Variants in HERPUD2 observed in about 807,000 individuals in gnomAD.
HERPUD2 encodes the protein homocysteine-responsive endoplasmic reticulum-resident ubiquitin-like domain member 2 protein.
A neutral mutation model predicts 49.9 loss-of-function variants in HERPUD2; 13 were observed. The ratio of observed to expected loss-of-function variants is 0.26; its 90% CI spans 0.17 to 0.41. The LOEUF (loss-of-function observed/expected upper bound fraction) is 0.41. Ranked by LOEUF, HERPUD2 falls within the 10% of genes least tolerant of loss-of-function variation. HERPUD2 has a pLI of 1.00. For synonymous variants in HERPUD2, 172 were observed against 171.4 expected (o/e 1.00, Z -0.03); for missense variants, 449 against 492.2 (o/e 0.91, Z 0.83).
chr7:35,672,264 T>A (rs1414983003), intron 3 of HERPUD2, among the ~76,000 whole-genome samples: 1 of 142,962 alleles, frequency 7.0e-6, no homozygotes, highest in Non-Finnish European at 1.5e-5. Flanking sequence ...TCTAAAAAAT[T>A]GTTTAAAAAA....
intron 2 of HERPUD2, among the ~76,000 whole-genome samples, chr7:35,678,222 C>T (rs1363113916): frequency 6.7e-6 from 1 of 148,822 alleles, no homozygotes; most frequent in African/African-American, 2.5e-5. Flanking sequence ...GTTGCAATGA[C>T]TGTCACTTCA....
intron 5 of HERPUD2, among the ~76,000 whole-genome samples, chr7:35,648,735 A>G (rs1324257055): frequency 6.6e-6 from 1 of 152,210 alleles, no homozygotes; most frequent in African/African-American, 2.4e-5. Flanking sequence ...TTACTGATCT[A>G]AAGAGAATGA....
chr7:35,639,490 C>T (rs1479625341), intron 5 of HERPUD2, among the ~76,000 whole-genome samples: 1 of 152,110 alleles, frequency 6.6e-6, no homozygotes, highest in African/African-American at 2.4e-5. Context: ...TTTACTCTCC[C>T]CCATTCCAAC....
intron 5 of HERPUD2, among the ~76,000 whole-genome samples, chr7:35,663,614 A>C (rs1319255822): frequency 6.6e-6 from 1 of 152,168 alleles, no homozygotes; most frequent in Admixed American, 6.5e-5. Flanking sequence ...TATTTAAGAT[A>C]GTTAGCTCCT....
At chr7:35,672,687 C>G (rs552592458) in intron 3 of HERPUD2, among the ~76,000 whole-genome samples, 1 of 152,102 alleles carries the variant, frequency 6.6e-6, no homozygotes, top group African/African-American at 2.4e-5. Context: ...AAATAACTAG[C>G]CTTCAAGTTG....
intron 2 of HERPUD2, among the ~76,000 whole-genome samples, chr7:35,684,214 G>A (rs562374403): frequency 1.3e-5 from 2 of 152,166 alleles, no homozygotes; most frequent in South Asian, 2.1e-4. Context: ...GTGAAACCCT[G>A]TCTCTACTAA....
chr7:35,660,263 A>G (rs1562676402), intron 5 of HERPUD2, among the ~76,000 whole-genome samples: 2 of 152,286 alleles, frequency 1.3e-5, no homozygotes, highest in Non-Finnish European at 2.9e-5. Flanking sequence ...ACATTTTCTT[A>G]ATCCAGTCTA....
At chr7:35,643,020 C>G (rs1262254962) in intron 5 of HERPUD2, among the ~76,000 whole-genome samples, 1 of 152,200 alleles carries the variant, frequency 6.6e-6, no homozygotes, top group African/African-American at 2.4e-5. Context: ...TGAAAATTAG[C>G]TTATAGAAAT....
intron 6 of HERPUD2, among the ~76,000 whole-genome samples, chr7:35,637,712 G>A (rs141282443): frequency 2.0e-5 from 3 of 152,304 alleles, no homozygotes; most frequent in African/African-American, 4.8e-5. Flanking sequence ...TGAGAAGCAC[G>A]TAGTAACAAA....
chr7:35,693,972 C>T (rs1786254745), intron 2 of HERPUD2, among the ~76,000 whole-genome samples: 2 of 152,174 alleles, frequency 1.3e-5, no homozygotes. Flanking sequence ...GATATTTCTG[C>T]TTCCTCTTAC....
chr7:35,636,703 T>C (rs1187623339), intron 6 of HERPUD2, among the ~76,000 whole-genome samples: 1 of 152,128 alleles, frequency 6.6e-6, no homozygotes, highest in Non-Finnish European at 1.5e-5. Flanking sequence ...GGATACGAGG[T>C]TCATAAAGCA....
intron 5 of HERPUD2, among the ~76,000 whole-genome samples, chr7:35,648,321 G>A (rs528085361): frequency 3.9e-5 from 6 of 152,066 alleles, no homozygotes; most frequent in Admixed American, 2.0e-4. Flanking sequence ...GTAAAAGATC[G>A]CCCCAGTTCT....
At position 35,649,315 on chromosome 7, in the gene HERPUD2, GT is replaced by G. The variant is rs377548542; in HGVS notation, c.495-10844del. ...TGGAAATATGTCCAAGCTGTATTAT[GT>G]TTTTTTTTAAGTTTACAAAACAAAC... On this transcript the variant is annotated intron_variant, in intron 5 of 8. Coordinates refer to ENST00000311350, the MANE Select transcript of HERPUD2 (RefSeq NM_022373.5). Among the ~76,000 whole-genome samples the G allele has an allele frequency of 1.6e-3, 234 of 150,488 alleles. 1 individual carries two copies. The highest frequency in any genetic ancestry group is 6.8e-3 in the South Asian group (32 of 4,710).
chr7:35,693,127 AC>A (rs1786228524), intron 2 of HERPUD2, among the ~76,000 whole-genome samples: 1 of 152,192 alleles, frequency 6.6e-6, no homozygotes, highest in Non-Finnish European at 1.5e-5. Flanking sequence ...TTGATTACCA[AC>A]CACGGCCTTT....
intron 2 of HERPUD2, among the ~76,000 whole-genome samples, 189 bp from the exon 3 acceptor site, chr7:35,673,467 A>G (rs2115979023): frequency 6.6e-6 from 1 of 152,288 alleles, no homozygotes; most frequent in South Asian, 2.1e-4. Context: ...AGTTCAGCAA[A>G]TGGTAGTGTA....
intron 4 of HERPUD2, chr7:35,668,417 A>G (rs1785584139): frequency 6.5e-6 from 1 of 152,700 alleles, no homozygotes; most frequent in African/African-American, 2.4e-5. Context: ...TAGTTTGTCA[A>G]GTGTTTCATG....
chr7:35,667,405 C>G (rs1189920881), intron 5 of HERPUD2, 29 bp downstream of exon 5: 2 of 1,589,556 alleles, frequency 1.3e-6, no homozygotes, highest in Non-Finnish European at 1.7e-6. Flanking sequence ...GCCCCAATCA[C>G]ATTCCATAGC....
intron 2 of HERPUD2, among the ~76,000 whole-genome samples, chr7:35,682,384 TATAC>T (rs1315704126): frequency 1.5e-5 from 2 of 133,360 alleles, no homozygotes; most frequent in Admixed American, 7.5e-5. Flanking sequence ...TATATATATA[TATAC>T]TTAATCGGCA....
intron 6 of HERPUD2, among the ~76,000 whole-genome samples, chr7:35,637,993 C>T (rs1784898438): frequency 6.6e-6 from 1 of 152,188 alleles, no homozygotes; most frequent in Non-Finnish European, 1.5e-5. Context: ...ATATTAGCTG[C>T]ACTTGAGCCC....
Sources: gnomAD v4.1 joint callset for allele counts (sites outside exome capture counted in the v4.1 genomes callset) on GRCh38, gnomAD v4.1.1 for gene constraint, MANE v1.5 for transcripts, NCBI Gene and HGNC (gene_info 2026-07-23, HGNC 2026-07-21) for gene names.